GMDS: variants seen among roughly 807,000 people sequenced by gnomAD.
GMDS encodes GDP-mannose 4,6 dehydratase.
In GMDS, 20 loss-of-function variants were observed where a neutral mutation model predicts 49.9. That is an observed-to-expected ratio of 0.40 (90% CI 0.28 to 0.58). The LOEUF (loss-of-function observed/expected upper bound fraction) is 0.58, where lower values mean the gene tolerates loss of function less well. Ranked by LOEUF, GMDS falls within the 20% of genes least tolerant of loss-of-function variation. The probability of loss-of-function intolerance (pLI) is 0.42; values close to 1 mark genes in which losing one functional copy is unlikely to be tolerated. For synonymous variants in GMDS, 177 were observed against 178.6 expected (o/e 0.99, Z 0.07); for missense variants, 362 against 481.4 (o/e 0.75, Z 2.32).
intron 9 of GMDS, among the ~76,000 whole-genome samples, chr6:1,711,569 T>C (rs1010268259): frequency 2.0e-5 from 3 of 152,192 alleles, no homozygotes; most frequent in African/African-American, 7.2e-5. Context: ...TACAAACTCA[T>C]TTTGCCAGTT....
chr6:2,056,299 C>T (rs1232586304), intron 4 of GMDS, among the ~76,000 whole-genome samples: 1 of 152,152 alleles, frequency 6.6e-6, no homozygotes, highest in Non-Finnish European at 1.5e-5. Flanking sequence ...CCCTAAATTA[C>T]AAAGGTGGTA....
chr6:2,224,665 T>C (rs1033340086), intron 1 of GMDS, among the ~76,000 whole-genome samples: 1 of 152,224 alleles, frequency 6.6e-6, no homozygotes, highest in Non-Finnish European at 1.5e-5. Flanking sequence ...GTATAGCATT[T>C]GTTAATGAAC....
intron 1 of GMDS, among the ~76,000 whole-genome samples, chr6:2,169,522 C>A (rs572114305): frequency 3.3e-5 from 5 of 150,214 alleles, no homozygotes; most frequent in Non-Finnish European, 7.4e-5. Context: ...GCTGGAGAAT[C>A]GATTGAACCA....
At chr6:2,073,831 A>G (rs1459663114) in intron 4 of GMDS, among the ~76,000 whole-genome samples, 2 of 152,146 alleles carry the variant, frequency 1.3e-5, no homozygotes, top group Non-Finnish European at 2.9e-5. Flanking sequence ...AAATAATATG[A>G]TTTCATTCTT....
At chr6:1,808,902 CTCTGTGTGTG>C (rs1444548518) in intron 7 of GMDS, among the ~76,000 whole-genome samples, 2 of 127,246 alleles carry the variant, frequency 1.6e-5, no homozygotes, top group African/African-American at 3.4e-5. Context: ...TGCATGCTCT[CTCTGTGTGTG>C]TGTGTGTGTG....
chr6:1,885,727 G>A (rs544453949), intron 7 of GMDS, among the ~76,000 whole-genome samples: 3 of 152,234 alleles, frequency 2.0e-5, no homozygotes, highest in South Asian at 4.1e-4. Context: ...TATTCCCTAC[G>A]GGACATCGCT....
In GMDS at chr6:1,859,086, T is replaced by C. The variant is rs138543892; in HGVS notation, c.771+71017A>G. On this transcript the variant is annotated intron_variant, in intron 7 of 10. Transcript: ENST00000380815. ...GTTTGCAGTCAGACCTGCACAGAGA[T>C]GGTGCTTCCAGCCAGCCCTGGCAGT... Among the ~76,000 whole-genome samples, 561 of 152,284 alleles carry C rather than the reference T, an allele frequency of 3.7e-3. 3 individuals carry two copies. The highest frequency in any genetic ancestry group is 4.4e-3 in the Non-Finnish European group (302 of 68,018).
chr6:1,750,457 C>T (rs1477692027), intron 7 of GMDS, among the ~76,000 whole-genome samples: 1 of 152,100 alleles, frequency 6.6e-6, no homozygotes, highest in Non-Finnish European at 1.5e-5. Flanking sequence ...GTGGGGCATT[C>T]CCTCACATGG....
At chr6:1,981,074 C>T (rs968843301) in intron 4 of GMDS, among the ~76,000 whole-genome samples, 7 of 151,922 alleles carry the variant, frequency 4.6e-5, no homozygotes, top group African/African-American at 1.7e-4. Flanking sequence ...CACTAAATGC[C>T]CACATCAAAA....
chr6:2,221,806 G>A (rs1215949184), intron 1 of GMDS, among the ~76,000 whole-genome samples: 2 of 151,972 alleles, frequency 1.3e-5, no homozygotes, highest in Admixed American at 6.6e-5. Flanking sequence ...AAACAACAAC[G>A]AAAAAAGAAA....
At chr6:1,977,241 T>C (rs1032930664) in intron 4 of GMDS, among the ~76,000 whole-genome samples, 6 of 152,162 alleles carry the variant, frequency 3.9e-5, no homozygotes, top group African/African-American at 1.2e-4. Flanking sequence ...CAAGAAGAAA[T>C]TGACATAGAA....
intron 7 of GMDS, among the ~76,000 whole-genome samples, chr6:1,820,022 T>C (rs913099729): frequency 6.6e-6 from 1 of 151,910 alleles, no homozygotes; most frequent in Admixed American, 6.6e-5. Context: ...CAAACATTTC[T>C]GTCTGGTACT....
At chr6:1,751,296 G>T (rs1767720510) in intron 7 of GMDS, among the ~76,000 whole-genome samples, 1 of 152,154 alleles carries the variant, frequency 6.6e-6, no homozygotes, top group Admixed American at 6.5e-5. Flanking sequence ...TCCTAGCAGG[G>T]GTTGACAGAC....
intron 4 of GMDS, among the ~76,000 whole-genome samples, chr6:2,018,886 C>T (rs1199830443): frequency 6.6e-6 from 1 of 152,070 alleles, no homozygotes; most frequent in African/African-American, 2.4e-5. Context: ...GGTAACTTGA[C>T]ATTTAACCTT....
rs551954694 is a variant in GMDS at position 2,065,646 on chromosome 6, C to T, written c.345+50125G>A. Among the ~76,000 whole-genome samples the T allele has an allele frequency of 2.6e-3, 400 of 151,854 alleles. 2 individuals carry two copies. The highest frequency in any genetic ancestry group is 9.3e-3 in the African/African-American group (386 of 41,378). On this transcript the variant is annotated intron_variant, in intron 4 of 10. Coordinates refer to ENST00000380815, the MANE Select transcript of GMDS (RefSeq NM_001500.4). ...AATGCAGAAGCCTCAGGAGCTGATG[C>T]GATCAACTGGAAGAAAGGGTATCAG...
chr6:1,885,969 G>C (rs1759584568), intron 7 of GMDS, among the ~76,000 whole-genome samples: 2 of 152,194 alleles, frequency 1.3e-5, no homozygotes, highest in East Asian at 1.9e-4. Context: ...AAACGTGAAG[G>C]GCAGGGTAAA....
At chr6:1,967,089 G>A (rs977367828) in intron 4 of GMDS, among the ~76,000 whole-genome samples, 6 of 152,110 alleles carry the variant, frequency 3.9e-5, no homozygotes, top group Non-Finnish European at 7.4e-5. Flanking sequence ...GAGCCTTCAC[G>A]CTGCTGACCC....
At chr6:1,918,500 C>T (rs1480954983) in intron 7 of GMDS, among the ~76,000 whole-genome samples, 2 of 151,078 alleles carry the variant, frequency 1.3e-5, no homozygotes, top group African/African-American at 4.9e-5. Flanking sequence ...TAATCCAGTC[C>T]TTTGGGGGGC....
intron 7 of GMDS, among the ~76,000 whole-genome samples, chr6:1,845,124 C>A (rs1450183131): frequency 6.6e-6 from 1 of 152,184 alleles, no homozygotes; most frequent in Non-Finnish European, 1.5e-5. Context: ...AATGGCAAGA[C>A]AAATTGTTTT....
Sources: allele counts gnomAD v4.1 joint callset (sites outside exome capture counted in the v4.1 genomes callset), GRCh38; gene constraint gnomAD v4.1.1; transcripts MANE v1.5; gene names NCBI Gene and HGNC (gene_info 2026-07-23, HGNC 2026-07-21).